MAF: variants seen among roughly 807,000 people sequenced by gnomAD.
MAF encodes the protein transcription factor Maf.
MAF carries 10 observed loss-of-function variants against 22.0 expected under a neutral mutation model. The ratio of observed to expected loss-of-function variants is 0.45; its 90% confidence interval spans 0.28 to 0.77. MAF has a LOEUF of 0.77. Ranked by LOEUF, MAF falls within the 30% of genes least tolerant of loss-of-function variation. The pLI, the probability that MAF is intolerant of heterozygous loss-of-function variation, is 0.12. For synonymous variants in MAF, 337 were observed against 255.8 expected (o/e 1.32, Z -3.03); for missense variants, 544 against 548.4 (o/e 0.99, Z 0.08).
At chr16:79,331,605 C>A in the MAF span, among the ~76,000 whole-genome samples, 1 of 152,190 alleles carries the variant, frequency 6.6e-6, no homozygotes, top group East Asian at 1.9e-4. Context: ...ATACCTTCTA[C>A]CCGCCTCCCT....
the MAF span, among the ~76,000 whole-genome samples, chr16:79,383,742 G>C: frequency 6.6e-6 from 1 of 152,096 alleles, no homozygotes; most frequent in African/African-American, 2.4e-5. Context: ...ATCATTTTTT[G>C]ATGCTCTCAA....
chr16:79,479,917 G>C, the MAF span, among the ~76,000 whole-genome samples: 1 of 152,164 alleles, frequency 6.6e-6, no homozygotes, highest in African/African-American at 2.4e-5. Context: ...TACAGCCCAA[G>C]TGTCCACAGT....
chr16:79,400,920 A>T, the MAF span, among the ~76,000 whole-genome samples: 1 of 152,262 alleles, frequency 6.6e-6, no homozygotes, highest in East Asian at 1.9e-4. Flanking sequence ...AAGTCTGAGC[A>T]GCTGATCTGC....
At chr16:79,557,866 A>G in the MAF span, among the ~76,000 whole-genome samples, 2 of 152,060 alleles carry the variant, frequency 1.3e-5, no homozygotes, top group Middle Eastern at 3.2e-3. Flanking sequence ...TGGGTGCTAA[A>G]GGTCCTTAAA....
the MAF span, among the ~76,000 whole-genome samples, chr16:79,221,415 C>T: frequency 1.3e-5 from 2 of 152,042 alleles, no homozygotes; most frequent in African/African-American, 4.8e-5. Flanking sequence ...CTATGTGTTC[C>T]CAAAGCATTC....
At chr16:79,321,204 C>T in the MAF span, among the ~76,000 whole-genome samples, 3 of 152,278 alleles carry the variant, frequency 2.0e-5, no homozygotes, top group South Asian at 6.2e-4. Context: ...CAGGGAAATT[C>T]CACAGCGCAG....
the MAF span, chr16:79,206,781 G>T: frequency 6.6e-6 from 1 of 152,128 alleles, no homozygotes; most frequent in Non-Finnish European, 1.5e-5. Context: ...GAAGAAGAGG[G>T]TGACTTACTG....
chr16:79,370,325 G>A, the MAF span, among the ~76,000 whole-genome samples: 241 of 152,260 alleles, frequency 1.6e-3, 4 homozygotes, highest in African/African-American at 5.4e-3. Flanking sequence ...GCAGCAAGCT[G>A]GTATCATAGA....
At chr16:79,553,174 T>G in the MAF span, among the ~76,000 whole-genome samples, 1 of 152,238 alleles carries the variant, frequency 6.6e-6, no homozygotes, top group South Asian at 2.1e-4. Context: ...CCAGCTGTCA[T>G]GCTGATGCTC....
At chr16:79,385,499 C>A in the MAF span, among the ~76,000 whole-genome samples, 3 of 152,148 alleles carry the variant, frequency 2.0e-5, no homozygotes, top group Non-Finnish European at 1.5e-5. Flanking sequence ...AAAGTCGAAA[C>A]CTTCCCTTTT....
the MAF span, among the ~76,000 whole-genome samples, chr16:79,441,393 C>T: frequency 6.6e-6 from 1 of 152,170 alleles, no homozygotes; most frequent in East Asian, 1.9e-4. Context: ...TATAAAGGCT[C>T]AGATAATAAA....
At chr16:79,592,956 C>G (rs965343615), downstream of MAF, among the ~76,000 whole-genome samples, 4 of 152,256 alleles carry the variant, frequency 2.6e-5, no homozygotes, top group African/African-American at 9.6e-5. Context: ...ATTAGCAGCG[C>G]TAAGAAGAGC....
chr16:79,341,686 T>G, the MAF span, among the ~76,000 whole-genome samples: 1 of 152,198 alleles, frequency 6.6e-6, no homozygotes, highest in Non-Finnish European at 1.5e-5. Context: ...ATTTACATTT[T>G]AACAATATAA....
chr16:79,491,800 A>G, the MAF span, among the ~76,000 whole-genome samples: 1 of 152,310 alleles, frequency 6.6e-6, no homozygotes, highest in East Asian at 1.9e-4. Context: ...GGCTAGACAG[A>G]TAGGAAGTAG....
chr16:79,397,713 G>A, the MAF span, among the ~76,000 whole-genome samples: 1 of 152,186 alleles, frequency 6.6e-6, no homozygotes, highest in South Asian at 2.1e-4. Flanking sequence ...GCATAGCTGT[G>A]GGCACTGATA....
At chr16:79,322,915 C>A in the MAF span, among the ~76,000 whole-genome samples, 1,325 of 151,882 alleles carry the variant, frequency 8.7e-3, 9 homozygotes, top group Middle Eastern at 0.034. Context: ...CTTTGGGAGG[C>A]CGAGGTGAAC....
chr16:79,358,662 C>G, the MAF span, among the ~76,000 whole-genome samples: 2 of 152,210 alleles, frequency 1.3e-5, no homozygotes, highest in African/African-American at 2.4e-5. Flanking sequence ...GAGGGCTTTA[C>G]AGATACCTGA....
At chr16:79,355,666 T>C in the MAF span, among the ~76,000 whole-genome samples, 2 of 152,132 alleles carry the variant, frequency 1.3e-5, no homozygotes, top group Non-Finnish European at 2.9e-5. Flanking sequence ...TAAACTAAAG[T>C]TGTTTCTAGT....
chr16:79,560,695 A>G, the MAF span, among the ~76,000 whole-genome samples: 2 of 152,060 alleles, frequency 1.3e-5, no homozygotes, highest in African/African-American at 4.8e-5. Context: ...GAAGATTAAC[A>G]CACAACAGGA....
Sources: gnomAD v4.1 joint callset for allele counts (sites outside exome capture counted in the v4.1 genomes callset) on GRCh38, gnomAD v4.1.1 for gene constraint, MANE v1.5 for transcripts, NCBI Gene and HGNC (gene_info 2026-07-23, HGNC 2026-07-21) for gene names.